The following BACH2 variants were observed in gnomAD, a reference collection of about 807,000 sequenced individuals.
BACH2 encodes the protein transcription regulator protein BACH2.
Under a neutral mutation model 61.8 loss-of-function variants are expected in BACH2, and 5 were observed. The observed-to-expected ratio is 0.08, with a 90% CI of 0.04 to 0.17. The LOEUF (loss-of-function observed/expected upper bound fraction) is 0.17, where lower values mean the gene tolerates loss of function less well. Ranked by LOEUF, BACH2 falls within the 10% of genes least tolerant of loss-of-function variation. The pLI, the probability that BACH2 is intolerant of heterozygous loss-of-function variation, is 1.00. For synonymous variants in BACH2, 446 were observed against 440.1 expected (o/e 1.01, Z -0.17); for missense variants, 824 against 1,091.1 (o/e 0.76, Z 3.45).
At chr6:90,065,872 T>C (rs1480181139) in intron 5 of BACH2, among the ~76,000 whole-genome samples, 1 of 152,206 alleles carries the variant, frequency 6.6e-6, no homozygotes, top group Non-Finnish European at 1.5e-5. Flanking sequence ...GAAGGCAGTA[T>C]GTGACTAAAT....
At chr6:90,244,437 ACT>A (rs1270608589) in intron 3 of BACH2, among the ~76,000 whole-genome samples, 2 of 152,112 alleles carry the variant, frequency 1.3e-5, no homozygotes, top group Non-Finnish European at 2.9e-5. Context: ...TCAAGCAGAA[ACT>A]CTGCTGTGAT....
At chr6:90,011,704 C>T (rs1777720811) in intron 5 of BACH2, among the ~76,000 whole-genome samples, 1 of 151,950 alleles carries the variant, frequency 6.6e-6, no homozygotes, top group Non-Finnish European at 1.5e-5. Flanking sequence ...AGGCAGGTTA[C>T]GAGGTCAGGA....
intron 3 of BACH2, among the ~76,000 whole-genome samples, chr6:90,229,446 C>T (rs1407548030): frequency 2.1e-5 from 3 of 143,040 alleles, no homozygotes; most frequent in East Asian, 2.0e-4. Flanking sequence ...GGCTACACAG[C>T]GAGACTTTGT....
chr6:90,055,577 A>C (rs1780296149), intron 5 of BACH2, among the ~76,000 whole-genome samples: 1 of 151,294 alleles, frequency 6.6e-6, no homozygotes, highest in African/African-American at 2.5e-5. Flanking sequence ...GAACTTCCCC[A>C]ATGTAGCAAG....
At chr6:90,168,096 C>T (rs750170193) in intron 4 of BACH2, among the ~76,000 whole-genome samples, 21 of 152,310 alleles carry the variant, frequency 1.4e-4, no homozygotes, top group Admixed American at 5.2e-4. Flanking sequence ...CAGTGCTGCA[C>T]GCCTGTAATC....
At chr6:90,051,771 C>A (rs371118833) in intron 5 of BACH2, among the ~76,000 whole-genome samples, 1 of 151,752 alleles carries the variant, frequency 6.6e-6, no homozygotes, top group Non-Finnish European at 1.5e-5. Flanking sequence ...CAAACCTGCA[C>A]GTTCAGCACA....
chr6:89,933,910 C>A (rs1033231387), intron 8 of BACH2, among the ~76,000 whole-genome samples: 1 of 151,846 alleles, frequency 6.6e-6, no homozygotes, highest in Non-Finnish European at 1.5e-5. Flanking sequence ...CACTTGTGCC[C>A]GGGTGGTGGA....
At chr6:90,276,367 T>G (rs1172168511) in intron 1 of BACH2, among the ~76,000 whole-genome samples, 1 of 152,208 alleles carries the variant, frequency 6.6e-6, no homozygotes, top group East Asian at 1.9e-4. Flanking sequence ...CTGCCTAGTC[T>G]GCTTAAGATC....
At chr6:90,295,667 G>C (rs577479422) in intron 1 of BACH2, among the ~76,000 whole-genome samples, 3 of 151,934 alleles carry the variant, frequency 2.0e-5, no homozygotes, top group South Asian at 2.1e-4. Context: ...GTGTGTGTGT[G>C]TGTGTGTGTG....
At chr6:90,200,717 T>C (rs907794702) in intron 4 of BACH2, among the ~76,000 whole-genome samples, 2 of 152,206 alleles carry the variant, frequency 1.3e-5, no homozygotes, top group African/African-American at 2.4e-5. Flanking sequence ...AAGAAAGGTG[T>C]CCTATGTTTC....
intron 1 of BACH2, among the ~76,000 whole-genome samples, chr6:90,292,542 T>C (rs1444770329): frequency 6.6e-6 from 1 of 152,244 alleles, no homozygotes; most frequent in South Asian, 2.1e-4. Context: ...TGTCGAATTC[T>C]CTGTTAAAAA....
chr6:90,295,471 T>G (rs534808010), intron 1 of BACH2, among the ~76,000 whole-genome samples: 1 of 151,958 alleles, frequency 6.6e-6, no homozygotes, highest in African/African-American at 2.4e-5. Context: ...CGTGGGCACC[T>G]AGGGTAGCCC....
At position 89,999,584 on chromosome 6, in the gene BACH2, G is replaced by A. The variant is rs1467256551; in HGVS notation, c.243+9018C>T. 2.6e-5 allele frequency among the ~76,000 whole-genome samples: 4 copies of A among 152,092 alleles called. No individual in the cohort carries two copies. The South Asian group carries it at 6.2e-4, about 24-fold the overall frequency. ...TAATTAAGTACCTTGGTAAAGGCCC[G>A]GGTTCTATGATTAACTACGACAAAA... On this transcript the variant is annotated intron_variant, in intron 6 of 8. Transcript: ENST00000257749.
intron 6 of BACH2, among the ~76,000 whole-genome samples, chr6:89,995,592 G>A (rs1225212477): frequency 7.9e-5 from 12 of 152,052 alleles, no homozygotes; most frequent in Non-Finnish European, 1.6e-4. Flanking sequence ...ATGTTACTTT[G>A]TTTCCGCATG....
intron 5 of BACH2, among the ~76,000 whole-genome samples, chr6:90,017,474 G>A (rs746648874): frequency 1.3e-5 from 2 of 151,840 alleles, no homozygotes; most frequent in South Asian, 2.1e-4. Context: ...TGCGCACCTC[G>A]GCCTCCCAAA....
intron 2 of BACH2, among the ~76,000 whole-genome samples, chr6:90,256,963 G>C (rs1258188952): frequency 1.3e-5 from 2 of 152,174 alleles, no homozygotes; most frequent in Admixed American, 1.3e-4. Flanking sequence ...ATATAAGTAA[G>C]ATCATATAAT....
chr6:89,998,600 C>T (rs1776976114), intron 6 of BACH2, among the ~76,000 whole-genome samples: 1 of 152,110 alleles, frequency 6.6e-6, no homozygotes, highest in African/African-American at 2.4e-5. Context: ...AGAACCCAAA[C>T]AAACAAGAAA....
intron 4 of BACH2, among the ~76,000 whole-genome samples, chr6:90,188,277 T>C (rs1229565541): frequency 6.6e-6 from 1 of 152,248 alleles, no homozygotes; most frequent in Non-Finnish European, 1.5e-5. Flanking sequence ...AGACACACCA[T>C]GAATTTGTAT....
intron 6 of BACH2, among the ~76,000 whole-genome samples, chr6:89,993,933 T>C (rs1342949019): frequency 1.3e-5 from 2 of 152,128 alleles, no homozygotes; most frequent in African/African-American, 4.8e-5. Flanking sequence ...TTTTAAAATG[T>C]CATCATTCAT....
Sources: allele counts gnomAD v4.1 joint callset (sites outside exome capture counted in the v4.1 genomes callset), GRCh38; gene constraint gnomAD v4.1.1; transcripts MANE v1.5; gene names NCBI Gene and HGNC (gene_info 2026-07-23, HGNC 2026-07-21).